Variants in TANC2 observed in about 807,000 individuals in gnomAD.
The protein encoded by TANC2 is tetratricopeptide repeat, ankyrin repeat and coiled-coil containing 2.
A neutral mutation model predicts 210.5 loss-of-function variants in TANC2; 26 were observed. That is an observed-to-expected ratio of 0.12 (90% CI 0.09 to 0.17). The LOEUF is 0.17. Ranked by LOEUF, TANC2 falls within the 10% of genes least tolerant of loss-of-function variation. The pLI is 1.00. For synonymous variants in TANC2, 931 were observed against 967.1 expected, an observed-to-expected ratio of 0.96 and a Z score of 0.69; for missense variants, 2,129 against 2,608.9, an observed-to-expected ratio of 0.82 and a Z score of 4.01.
At chr17:63,381,378 T>A (rs75404032) in intron 15 of TANC2, 12 of 152,338 alleles carry the variant, frequency 7.9e-5, no homozygotes, top group African/African-American at 2.9e-4. Flanking sequence ...AGCTGAAGAA[T>A]GAAGACTTGG....
intron 11 of TANC2, among the ~76,000 whole-genome samples, chr17:63,324,899 C>T (rs1384804251): frequency 6.6e-6 from 1 of 151,964 alleles, no homozygotes; most frequent in East Asian, 1.9e-4. Context: ...ACTGAGTAAT[C>T]TTTCTAAAAC....
chr17:63,415,821 G>A lies in TANC2; in HGVS notation c.4167+147G>A, dbSNP rs1184995766. 7 of 927,484 alleles carry A rather than the reference G, an allele frequency of 7.5e-6. No homozygotes were observed. In the Admixed American group the frequency reaches 1.7e-4, roughly 23 times the overall value. 57.5% of individuals were successfully genotyped at this position (927,484 alleles called of 1,614,324 possible). A position where few individuals can be genotyped will look rare whatever the true frequency, so the allele number is the denominator to read the frequency against. On this transcript the variant is annotated intron_variant, in intron 26 of 27. Coordinates refer to ENST00000689528, the Ensembl canonical transcript of TANC2. ...CACAGAGCACTGACATTTGCAATTT[G>A]AAAGAAATCAAGTCTAAGTACAATC...
intron 2 of TANC2, among the ~76,000 whole-genome samples, chr17:63,067,396 CCT>C (rs1245226232): frequency 5.9e-5 from 9 of 151,980 alleles, no homozygotes; most frequent in South Asian, 2.1e-4. Flanking sequence ...ACAATTGATG[CCT>C]CTCTTCTGAA....
intron 9 of TANC2, among the ~76,000 whole-genome samples, chr17:63,306,904 T>A (rs1418018000): frequency 6.6e-6 from 1 of 152,120 alleles, no homozygotes; most frequent in Admixed American, 6.6e-5. Flanking sequence ...CAGTGAGCTA[T>A]GATTGCCTCT....
rs2048131240 is a variant in TANC2, at chr17:63,395,651, G to A, written c.3052-92G>A. ...CCAGGAGTGGAAAGGATGATTCTTA[G>A]TAGCCTAGGCTTGTGCAGTGGCGGA... is the stretch of plus-strand genomic sequence containing the variant. On this transcript the variant is annotated intron_variant, in intron 17 of 27. Coordinates refer to ENST00000689528, the Ensembl canonical transcript of TANC2. 3 of 1,183,072 alleles carry A rather than the reference G, an allele frequency of 2.5e-6. No individual in the cohort carries two copies. The East Asian group carries it at 7.5e-5, about 30-fold the overall frequency. The allele number at this position is 1,183,072 out of a possible 1,614,324, so 73.3% of individuals were successfully genotyped here.
Position 63,216,650 on chromosome 17 carries a change from A to T in TANC2, c.769+15693A>T, listed in dbSNP as rs9915521. Among the ~76,000 whole-genome samples the T allele has an allele frequency of 7.3e-3, 1,110 of 152,294 alleles. 15 individuals are homozygous for T. Among genetic ancestry groups the T allele is most frequent in the African/African-American group, 0.026 (1,065 of 41,560 alleles). ...CTGGGTAGTTAGTGTTAGAATTCATATGAATCGTAGGGCACCAGTTGGTGT... is the reference window on the plus strand; with the variant it reads ...CTGGGTAGTTAGTGTTAGAATTCATTTGAATCGTAGGGCACCAGTTGGTGT... On this transcript the variant is annotated intron_variant, in intron 7 of 27. Coordinates refer to ENST00000689528, the Ensembl canonical transcript of TANC2.
chr17:63,361,602 C>A (rs1418723001), intron 14 of TANC2, among the ~76,000 whole-genome samples: 1 of 152,212 alleles, frequency 6.6e-6, no homozygotes, highest in African/African-American at 2.4e-5. Flanking sequence ...CTGCTGAGCC[C>A]AAAGAGGGTG....
intron 5 of TANC2, among the ~76,000 whole-genome samples, chr17:63,172,475 C>A (rs978852106): frequency 1.3e-5 from 2 of 152,230 alleles, no homozygotes; most frequent in Non-Finnish European, 2.9e-5. Context: ...AGCCACCGCC[C>A]CCGGCCATCA....
intron 9 of TANC2, among the ~76,000 whole-genome samples, chr17:63,277,621 TTTAAAA>T (rs1275556485): frequency 4.0e-5 from 6 of 151,886 alleles, no homozygotes; most frequent in Non-Finnish European, 8.8e-5. Context: ...GTTTATTACC[TTTAAAA>T]TTAACTCATT....
intron 8 of TANC2, among the ~76,000 whole-genome samples, chr17:63,252,785 G>A (rs1349725543): frequency 1.3e-5 from 2 of 151,726 alleles, no homozygotes; most frequent in Non-Finnish European, 2.9e-5. Flanking sequence ...TTTTTACCTA[G>A]TCGTCTGTTT....
intron 2 of TANC2, among the ~76,000 whole-genome samples, chr17:63,068,625 C>T (rs545913049): frequency 4.5e-4 from 68 of 151,398 alleles, no homozygotes; most frequent in Admixed American, 7.9e-4. Flanking sequence ...AAAATGAATT[C>T]GACAGATAAA....
chr17:63,298,641 C>T (rs1032713090), intron 9 of TANC2, among the ~76,000 whole-genome samples: 1 of 152,024 alleles, frequency 6.6e-6, no homozygotes, highest in East Asian at 1.9e-4. Context: ...TACTAGATGC[C>T]ATTGAATTGT....
intron 6 of TANC2, chr17:63,197,642 G>T (rs567456817): frequency 6.6e-6 from 1 of 152,260 alleles, no homozygotes; most frequent in African/African-American, 2.4e-5. Flanking sequence ...TATTCTTTCA[G>T]TAGTTTCCAA....
intron 9 of TANC2, among the ~76,000 whole-genome samples, chr17:63,270,429 T>C (rs1426386510): frequency 6.6e-6 from 1 of 152,174 alleles, no homozygotes; most frequent in Admixed American, 6.6e-5. Context: ...CCTGGAATAA[T>C]TTTTAAAAAC....
Position 63,419,158 on chromosome 17 carries a change from A to G in TANC2, c.4268+751A>G, listed in dbSNP as rs114517290. ...AAAGAACTGCTTCAGGTTCACTGCT[A>G]TGGCCAGGGGCACATGGTCCCGAAA... On this transcript the variant is annotated intron_variant, in intron 27 of 27. Coordinates refer to ENST00000689528, the Ensembl canonical transcript of TANC2. Among the ~76,000 whole-genome samples, 545 of 152,266 alleles carry G rather than the reference A, an allele frequency of 3.6e-3. 5 individuals carry two copies. The highest frequency in any genetic ancestry group is 0.013 in the African/African-American group (525 of 41,572).
chr17:63,112,519 G>A (rs1221444465), intron 4 of TANC2, among the ~76,000 whole-genome samples: 2 of 152,176 alleles, frequency 1.3e-5, no homozygotes, highest in East Asian at 3.8e-4. Flanking sequence ...AGAACTCTAG[G>A]ACCCAAAGAA....
At chr17:63,093,162 G>T (rs1158336366) in intron 3 of TANC2, among the ~76,000 whole-genome samples, 1 of 151,698 alleles carries the variant, frequency 6.6e-6, no homozygotes, top group Admixed American at 6.6e-5. Flanking sequence ...CTGACCCAAG[G>T]TCACACAGAT....
At chr17:63,241,384 A>G (rs1316762640) in intron 8 of TANC2, among the ~76,000 whole-genome samples, 2 of 152,172 alleles carry the variant, frequency 1.3e-5, no homozygotes, top group Non-Finnish European at 2.9e-5. Context: ...TAGCAGTGTA[A>G]TGGTATTGGG....
chr17:63,246,853 G>A (rs2042933046), intron 8 of TANC2, among the ~76,000 whole-genome samples: 1 of 152,052 alleles, frequency 6.6e-6, no homozygotes, highest in Admixed American at 6.5e-5. Context: ...GAATCTTATG[G>A]TAAGCTTATA....
Sources: allele counts gnomAD v4.1 joint callset (sites outside exome capture counted in the v4.1 genomes callset), GRCh38; gene constraint gnomAD v4.1.1; transcripts MANE v1.5; gene names NCBI Gene and HGNC (gene_info 2026-07-23, HGNC 2026-07-21).